The following PPP2R3A variants were observed in gnomAD, a reference collection of about 807,000 sequenced individuals.
PPP2R3A encodes the protein serine/threonine-protein phosphatase 2A regulatory subunit B'' subunit alpha.
Under a neutral mutation model 106.9 loss-of-function variants are expected in PPP2R3A, and 80 were observed. That is an observed-to-expected ratio of 0.75 (90% confidence interval 0.62 to 0.90). The LOEUF (loss-of-function observed/expected upper bound fraction) is 0.90, where lower values mean the gene tolerates loss of function less well. Ranked by LOEUF, PPP2R3A falls within the 40% of genes least tolerant of loss-of-function variation. The pLI is 0.00. For synonymous variants in PPP2R3A, 483 were observed against 468.3 expected (o/e 1.03, Z -0.41); for missense variants, 1,386 against 1,350.4 (o/e 1.03, Z -0.41).
At chr3:136,096,757 G>T (rs1937225338) in intron 10 of PPP2R3A, among the ~76,000 whole-genome samples, 1 of 152,228 alleles carries the variant, frequency 6.6e-6, no homozygotes, top group African/African-American at 2.4e-5. Context: ...TATATTAGGG[G>T]TAAGAAATCA....
Position 136,003,394 on chromosome 3 carries a change from C to T in PPP2R3A, c.1896C>T (p.Ser632=). The change falls in exon 2 of 14, where the codon TCC becomes TCT. Residue 632 remains serine (S), a synonymous_variant. Coordinates refer to ENST00000264977, the MANE Select transcript of PPP2R3A (RefSeq NM_002718.5). The part of the protein sequence containing the change: ...MQILQETLTT[S]SQANLSVCRS... ...TTCTACAGGAAACCTTGACAACTTC[C>T]TCCCAGGCCAATTTATCAGTCTGTA... is the stretch of plus-strand genomic sequence containing the variant. 2.5e-6 allele frequency: 4 copies of T among 1,613,982 alleles called. No homozygotes were observed. Among genetic ancestry groups the T allele is most frequent in the Non-Finnish European group, 3.4e-6 (4 of 1,179,908 alleles).
chr3:136,030,314 A>AGTTT (rs57871122), intron 3 of PPP2R3A, among the ~76,000 whole-genome samples: 73,162 of 144,072 alleles, frequency 0.51, 21,238 homozygotes, highest in African/African-American at 0.84. Context: ...TGAGTGTGTC[A>AGTTT]GTTTGTTTTT....
At chr3:136,091,973 A>T (rs1225085840) in intron 10 of PPP2R3A, among the ~76,000 whole-genome samples, 1 of 152,128 alleles carries the variant, frequency 6.6e-6, no homozygotes, top group Non-Finnish European at 1.5e-5. Flanking sequence ...GAAATCCAAA[A>T]TTCTCCAGTG....
chr3:135,998,218 T>C (rs1428468281), intron 1 of PPP2R3A, among the ~76,000 whole-genome samples: 1 of 152,242 alleles, frequency 6.6e-6, no homozygotes, highest in Admixed American at 6.5e-5. Flanking sequence ...ACCTGGAGTA[T>C]TCTTCCCTTC....
intron 1 of PPP2R3A, among the ~76,000 whole-genome samples, chr3:135,996,078 A>G (rs114616822): frequency 5.3e-4 from 80 of 152,328 alleles, no homozygotes; most frequent in African/African-American, 1.9e-3. Context: ...AATGACAACC[A>G]TGTCACAGTT....
At chr3:136,092,937 A>G (rs1937128758) in intron 10 of PPP2R3A, among the ~76,000 whole-genome samples, 1 of 152,208 alleles carries the variant, frequency 6.6e-6, no homozygotes. Flanking sequence ...CCTAGTTCAC[A>G]TACTACAAAA....
rs1292674309 is a variant in PPP2R3A at position 136,026,870 on chromosome 3, C to G, written c.2034C>G (p.Leu678=). 5 of 1,612,848 alleles carry G rather than the reference C, an allele frequency of 3.1e-6. No individual in the cohort carries two copies. The highest frequency in any genetic ancestry group is 4.2e-6 in the Non-Finnish European group (5 of 1,179,194). Residue 678 remains leucine, a synonymous_variant, in exon 3 of 14, where the codon CTC becomes CTG. Coordinates refer to ENST00000264977, the MANE Select transcript of PPP2R3A (RefSeq NM_002718.5). The stretch of plus-strand genomic sequence containing the variant: ...CAGAAAAGAAACCTGGAACACCACT[C>G]CCACCTCCAGCCACCTCTCCAAGTA... ...NKPEKKPGTP[L]PPPATSPSSP...
At chr3:136,117,605 A>G (rs1012770678) in intron 13 of PPP2R3A, among the ~76,000 whole-genome samples, 2 of 152,216 alleles carry the variant, frequency 1.3e-5, no homozygotes, top group Admixed American at 1.3e-4. Context: ...AAACACCTCT[A>G]TGCAAATAAA....
intron 2 of PPP2R3A, among the ~76,000 whole-genome samples, chr3:136,016,072 G>A (rs1358420147): frequency 2.0e-5 from 3 of 151,958 alleles, no homozygotes; most frequent in African/African-American, 7.3e-5. Flanking sequence ...TTTCATTGTT[G>A]ACTCAACAAT....
chr3:136,087,854 T>G (rs1174374674), intron 8 of PPP2R3A, 29 bp from the exon 9 acceptor site: 1 of 1,583,148 alleles, frequency 6.3e-7, no homozygotes, highest in East Asian at 2.2e-5. Flanking sequence ...TCTAACTAGC[T>G]TTGCAATTTT....
intron 1 of PPP2R3A, among the ~76,000 whole-genome samples, chr3:135,966,455 C>G (rs1937088342): frequency 6.6e-6 from 1 of 152,236 alleles, no homozygotes; most frequent in Admixed American, 6.5e-5. Context: ...TGGTCCTGCA[C>G]CGCGGCCGCG....
intron 13 of PPP2R3A, among the ~76,000 whole-genome samples, chr3:136,127,749 A>C (rs1268950353): frequency 1.3e-5 from 2 of 152,232 alleles, no homozygotes; most frequent in Non-Finnish European, 2.9e-5. Flanking sequence ...GAAAGTGCTA[A>C]GGGCAGCCAG....
chr3:136,065,163 A>G (rs1344973216), intron 5 of PPP2R3A, among the ~76,000 whole-genome samples: 2 of 152,202 alleles, frequency 1.3e-5, no homozygotes, highest in African/African-American at 4.8e-5. Flanking sequence ...ATAACCTCAA[A>G]TATTGGGATA....
At chr3:136,039,332 T>G (rs1935181818) in intron 3 of PPP2R3A, among the ~76,000 whole-genome samples, 1 of 152,232 alleles carries the variant, frequency 6.6e-6, no homozygotes, top group South Asian at 2.1e-4. Flanking sequence ...GGGATATGTT[T>G]TCTGTGTGTG....
intron 4 of PPP2R3A, among the ~76,000 whole-genome samples, chr3:136,047,408 G>A (rs928923585): frequency 2.6e-5 from 4 of 152,202 alleles, no homozygotes; most frequent in African/African-American, 9.7e-5. Flanking sequence ...CCCATCAATG[G>A]TGGACTGGAT....
rs778276896 is a variant in PPP2R3A, at chr3:136,002,718, C to T, written c.1220C>T (p.Ser407Phe). Residue 407 changes from serine to phenylalanine, a missense_variant, in exon 2 of 14, where the codon TCT becomes TTT. Physicochemically the swap from Ser to Phe is radical, Grantham distance 155. Transcript: ENST00000264977. ...SLTMNPLENV[S>F]SDDLMETLYI... is the part of the protein sequence containing the mutation. ...ACCATGAATCCTTTAGAAAATGTTT[C>T]TTCTGACGACTTAATGGAAACTCTT... The T allele has an allele frequency of 1.2e-5, 19 of 1,612,902 alleles. No homozygotes were observed. The highest frequency in any genetic ancestry group is 1.5e-5 in the Non-Finnish European group (18 of 1,179,586).
At position 136,146,973 on chromosome 3, in the gene PPP2R3A, TTACAATA is replaced by T. The variant is rs1939157574; in HGVS notation, c.*1812_*1818del. Reference sequence around the variant, plus strand: ...TTCACCAAAAAGTAAAAATTCAATTTTACAATATACATTTTTTTTTTTAACTATTTGG... The same window carrying T: ...TTCACCAAAAAGTAAAAATTCAATTTTACATTTTTTTTTTTAACTATTTGG... On this transcript the variant is annotated 3_prime_UTR_variant, in exon 14 of 14. Coordinates refer to ENST00000264977, the MANE Select transcript of PPP2R3A (RefSeq NM_002718.5). The T allele has an allele frequency of 6.6e-6, 1 of 152,022 alleles. No homozygotes were observed. The highest frequency in any genetic ancestry group is 1.5e-5 in the Non-Finnish European group (1 of 68,036). The allele number at this position is 152,022 out of a possible 1,614,324, so 9.4% of individuals were successfully genotyped here.
chr3:136,098,033 AT>A (rs1937256713), intron 10 of PPP2R3A, among the ~76,000 whole-genome samples: 1 of 152,238 alleles, frequency 6.6e-6, no homozygotes, highest in South Asian at 2.1e-4. Flanking sequence ...GGTTCAATGA[AT>A]GTCCCCCTTT....
chr3:136,124,568 TATC>T (rs1389681067), intron 13 of PPP2R3A, among the ~76,000 whole-genome samples: 1 of 151,192 alleles, frequency 6.6e-6, no homozygotes, highest in Non-Finnish European at 1.5e-5. Flanking sequence ...AAAGGTCTAA[TATC>T]AACAATATAA....
Sources: allele counts gnomAD v4.1 joint callset (sites outside exome capture counted in the v4.1 genomes callset), GRCh38; gene constraint gnomAD v4.1.1; transcripts MANE v1.5; gene names NCBI Gene and HGNC (gene_info 2026-07-23, HGNC 2026-07-21).